The following NDST4 variants were observed in gnomAD, a reference collection of about 807,000 sequenced individuals.
NDST4 encodes N-heparan sulfate sulfotransferase 4.
Under a neutral mutation model 100.8 loss-of-function variants are expected in NDST4, and 63 were observed. The observed-to-expected ratio is 0.62, with a 90% CI of 0.51 to 0.77. The LOEUF is 0.77. Ranked by LOEUF, NDST4 falls within the 30% of genes least tolerant of loss-of-function variation. NDST4 has a pLI of 0.00. For synonymous variants in NDST4, 377 were observed against 361.8 expected, an observed-to-expected ratio of 1.04 and a Z score of -0.48; for missense variants, 943 against 1,018.4, an observed-to-expected ratio of 0.93 and a Z score of 1.01.
At chr4:115,019,601 G>A (rs1013252493) in intron 2 of NDST4, among the ~76,000 whole-genome samples, 35 of 152,208 alleles carry the variant, frequency 2.3e-4, no homozygotes, top group African/African-American at 8.4e-4. Flanking sequence ...AGTCGTCGGG[G>A]CATAAAATGT....
chr4:114,973,177 T>G (rs781769661), intron 3 of NDST4, among the ~76,000 whole-genome samples: 2 of 152,056 alleles, frequency 1.3e-5, no homozygotes, highest in African/African-American at 4.8e-5. Flanking sequence ...GGACTTCCTG[T>G]AAACATTTAT....
chr4:114,936,736 T>G (rs548556286), intron 5 of NDST4, among the ~76,000 whole-genome samples: 93 of 152,298 alleles, frequency 6.1e-4, no homozygotes, highest in African/African-American at 2.2e-3. Context: ...TCCTATTATT[T>G]TTCAATTACT....
At chr4:115,030,043 T>C (rs1262127209) in intron 2 of NDST4, among the ~76,000 whole-genome samples, 1 of 152,136 alleles carries the variant, frequency 6.6e-6, no homozygotes, top group Non-Finnish European at 1.5e-5. Flanking sequence ...AATTTTGTTA[T>C]TACTGTTTTA....
At chr4:114,903,323 T>C (rs950341171) in intron 6 of NDST4, among the ~76,000 whole-genome samples, 52 of 152,130 alleles carry the variant, frequency 3.4e-4, no homozygotes, top group African/African-American at 1.2e-3. Flanking sequence ...CCACTGAAGA[T>C]AGCAGAGAGA....
chr4:114,982,972 C>T (rs902857580), intron 2 of NDST4, among the ~76,000 whole-genome samples: 3 of 152,194 alleles, frequency 2.0e-5, no homozygotes, highest in African/African-American at 7.2e-5. Context: ...AGGGTGCAAG[C>T]TCCAAGCCTT....
rs548571796 is a variant in NDST4 at position 115,109,614 on chromosome 4, T to C, written c.-247+3830A>G. ...TCGCTTCTGTTTTCTGAGTACAATA[T>C]CAAATTATATTCTCAAGCATTCAGA... On this transcript the variant is annotated intron_variant, in intron 1 of 13. Coordinates refer to ENST00000264363, the MANE Select transcript of NDST4 (RefSeq NM_022569.3). Among the ~76,000 whole-genome samples, 4 of 152,056 alleles carry C rather than the reference T, an allele frequency of 2.6e-5. No individual in the cohort carries two copies. The South Asian group carries it at 8.3e-4, about 31-fold the overall frequency.
At chr4:114,872,392 G>T (rs1408286076) in intron 6 of NDST4, among the ~76,000 whole-genome samples, 1 of 151,882 alleles carries the variant, frequency 6.6e-6, no homozygotes, top group African/African-American at 2.4e-5. Flanking sequence ...AACAAACACA[G>T]GCATATACGT....
At chr4:114,880,226 T>C (rs374396558) in intron 6 of NDST4, among the ~76,000 whole-genome samples, 39 of 152,272 alleles carry the variant, frequency 2.6e-4, no homozygotes, top group African/African-American at 9.4e-4. Flanking sequence ...AGTTGTTGCA[T>C]ATATTTGTGT....
At chr4:114,877,615 G>A (rs1724282772) in intron 6 of NDST4, among the ~76,000 whole-genome samples, 2 of 152,202 alleles carry the variant, frequency 1.3e-5, no homozygotes, top group East Asian at 1.9e-4. Context: ...ATTAATTTAG[G>A]TAGATGTTTC....
At chr4:114,900,335 GC>G (rs1724809210) in intron 6 of NDST4, among the ~76,000 whole-genome samples, 1 of 151,766 alleles carries the variant, frequency 6.6e-6, no homozygotes, top group African/African-American at 2.4e-5. Flanking sequence ...ATTGATTTCA[GC>G]TCTAATTTTT....
intron 1 of NDST4, among the ~76,000 whole-genome samples, chr4:115,100,215 T>C (rs1467420841): frequency 6.6e-6 from 1 of 152,072 alleles, no homozygotes; most frequent in Non-Finnish European, 1.5e-5. Flanking sequence ...TAGTGAAATT[T>C]TTCTATTTAA....
chr4:114,950,820 C>G (rs1024607154), intron 4 of NDST4, among the ~76,000 whole-genome samples: 12 of 151,754 alleles, frequency 7.9e-5, no homozygotes, highest in Admixed American at 7.9e-4. Flanking sequence ...TTATAACAAA[C>G]AAGTGTCTCT....
intron 2 of NDST4, among the ~76,000 whole-genome samples, chr4:114,984,422 C>CGGCATCGG (rs3043339): frequency 6.6e-6 from 1 of 151,444 alleles, no homozygotes; most frequent in Non-Finnish European, 1.5e-5. Context: ...TGTGATCCAC[C>CGGCATCGG]CATCCCAAAG....
intron 12 of NDST4, 41 bp downstream of exon 12, chr4:114,833,565 G>A: frequency 7.6e-7 from 1 of 1,308,130 alleles, no homozygotes. Flanking sequence ...ATTTATGATG[G>A]CAAATAATGG....
At chr4:115,006,129 A>G (rs1402152692) in intron 2 of NDST4, among the ~76,000 whole-genome samples, 1 of 152,016 alleles carries the variant, frequency 6.6e-6, no homozygotes, top group South Asian at 2.1e-4. Context: ...GAAAAAAAAG[A>G]AATAAATAGG....
intron 1 of NDST4, among the ~76,000 whole-genome samples, chr4:115,094,069 T>C (rs903365205): frequency 4.0e-5 from 6 of 151,626 alleles, no homozygotes; most frequent in African/African-American, 1.5e-4. Flanking sequence ...ACATAACTGA[T>C]GGAAATGAAA....
chr4:114,972,437 A>C (rs1726534369), intron 3 of NDST4, among the ~76,000 whole-genome samples: 1 of 151,986 alleles, frequency 6.6e-6, no homozygotes, highest in Non-Finnish European at 1.5e-5. Context: ...GAAAGTAATA[A>C]AGTCCTATAA....
chr4:114,962,002 AT>A (rs1353224996), intron 4 of NDST4, among the ~76,000 whole-genome samples: 1 of 152,124 alleles, frequency 6.6e-6, no homozygotes, highest in African/African-American at 2.4e-5. Context: ...ACAAAGTGGG[AT>A]TTATCATAGG....
intron 2 of NDST4, among the ~76,000 whole-genome samples, chr4:115,010,071 C>A (rs1215839921): frequency 8.5e-6 from 1 of 118,340 alleles, no homozygotes; most frequent in Non-Finnish European, 1.8e-5. Context: ...AATAGGAACA[C>A]TTTTACACTG....
Sources: allele counts gnomAD v4.1 joint callset (sites outside exome capture counted in the v4.1 genomes callset), GRCh38; gene constraint gnomAD v4.1.1; transcripts MANE v1.5; gene names NCBI Gene and HGNC (gene_info 2026-07-23, HGNC 2026-07-21).